THOC5: variants seen among roughly 807,000 people sequenced by gnomAD.
THOC5 encodes Fms-interacting protein.
THOC5 carries 43 observed loss-of-function variants against 92.9 expected under a neutral mutation model. The observed-to-expected ratio is 0.46, with a 90% CI of 0.36 to 0.60. The LOEUF is 0.60. THOC5 is among the 20% of genes least tolerant of loss of function. The probability of loss-of-function intolerance (pLI) is 0.00; values close to 1 mark genes in which losing one functional copy is unlikely to be tolerated. For missense variants in THOC5, 659 were observed against 849.4 expected (o/e 0.78, Z 2.79); for synonymous variants, 296 against 320.1 (o/e 0.92, Z 0.80).
intron 12 of THOC5, 79 bp downstream of exon 12, chr22:29,525,759 G>T: frequency 1.7e-6 from 2 of 1,166,736 alleles, no homozygotes; most frequent in Non-Finnish European, 1.3e-6. Flanking sequence ...CCAGAGGGAG[G>T]AACCGAGAGC....
intron 1 of THOC5, among the ~76,000 whole-genome samples, chr22:29,553,003 G>T (rs469285): frequency 0.86 from 130,651 of 152,046 alleles, 56,585 homozygotes; most frequent in African/African-American, 0.96. Flanking sequence ...TTAAGGGCGG[G>T]GCAAGATGTG....
chr22:29,527,157 C>T lies in THOC5; in HGVS notation c.1066+921G>A, dbSNP rs144219927. 2.3e-3 allele frequency among the ~76,000 whole-genome samples: 352 copies of T among 152,230 alleles called. 2 individuals are homozygous for T. The highest frequency in any genetic ancestry group is 6.8e-3 in the Middle Eastern group (2 of 294). ...TCTCAAAGCCAGCCATGGTGGTGCACGCTTCCAGTCCTAGCTACTTAGGAG... is the reference window on the plus strand; with the variant it reads ...TCTCAAAGCCAGCCATGGTGGTGCATGCTTCCAGTCCTAGCTACTTAGGAG... On this transcript the variant is annotated intron_variant, in intron 11 of 19. Transcript: ENST00000490103.
intron 2 of THOC5, 136 bp from the exon 3 acceptor site, chr22:29,544,739 G>A (rs1262588240): frequency 1.1e-6 from 1 of 872,898 alleles, no homozygotes; most frequent in African/African-American, 1.7e-5. Flanking sequence ...AAAAGATCTG[G>A]TCCTTAAATT....
At chr22:29,539,226 T>C (rs1423041510) in intron 6 of THOC5, 104 bp downstream of exon 6, 3 of 1,265,146 alleles carry the variant, frequency 2.4e-6, no homozygotes, top group Non-Finnish European at 3.3e-6. Flanking sequence ...GATTTGGTCT[T>C]AGAAACTATT....
In THOC5 at chr22:29,539,341, C is replaced by T. The variant is rs528819010; in HGVS notation, c.588G>A (p.Glu196=). The T allele has an allele frequency of 6.2e-6, 10 of 1,613,776 alleles. No homozygotes were observed. In the South Asian group the frequency reaches 8.8e-5, roughly 14 times the overall value. ...GGAGGAAATGCTACCTTTTCCGCTG[C>T]TCCAGCTCCCAGTCCAGACGTGCCA... The part of the protein sequence containing the change: ...QTLARLDWEL[E]QRKRLAEKYR... Residue 196 remains glutamate, a synonymous_variant, in exon 6 of 20, where the codon GAG becomes GAA. Transcript: ENST00000490103.
chr22:29,536,380 C>T (rs1338129785), intron 7 of THOC5: 7 of 475,160 alleles, frequency 1.5e-5, no homozygotes, highest in South Asian at 1.1e-4. Context: ...TGAGAAAGTA[C>T]GTTACCCAGA....
At position 29,520,030 on chromosome 22, in the gene THOC5, T is replaced by G; in HGVS notation, c.1352A>C (p.His451Pro). Residue 451 changes from histidine to proline, a missense_variant, in exon 14 of 20, where the codon CAC becomes CCC. Physicochemically the swap from His to Pro is moderately conservative, Grantham distance 77 (BLOSUM62 -2). Coordinates refer to ENST00000490103, the MANE Select transcript of THOC5 (RefSeq NM_003678.5). ...GACCTGGGGCTGCTCTTTGGGGAAG[T>G]GGAGGCCACCCAGCTTCTGCACCCA... ...YLWVQKLGGL[H>P]FPKEQPQQTV... 1 of 1,613,604 alleles carries G rather than the reference T, an allele frequency of 6.2e-7. No individual in the cohort carries two copies. The highest frequency in any genetic ancestry group is 8.5e-7 in the Non-Finnish European group (1 of 1,179,876).
intron 5 of THOC5, among the ~76,000 whole-genome samples, chr22:29,540,203 C>G (rs2146536910): frequency 6.6e-6 from 1 of 152,192 alleles, no homozygotes; most frequent in South Asian, 2.1e-4. Flanking sequence ...ACCCAGGAGG[C>G]AGAGGTTGCG....
At chr22:29,540,374 C>T (rs1252239861) in intron 5 of THOC5, among the ~76,000 whole-genome samples, 3 of 152,184 alleles carry the variant, frequency 2.0e-5, no homozygotes, top group Non-Finnish European at 4.4e-5. Flanking sequence ...AATAAGCACC[C>T]ACTATATGTC....
chr22:29,531,836 GCCTGC>G lies in THOC5; in HGVS notation c.837_841del (p.Gln280LeufsTer2). The G allele has an allele frequency of 6.2e-7, 1 of 1,614,022 alleles. No homozygotes were observed. Among genetic ancestry groups the G allele is most frequent in the Non-Finnish European group, 8.5e-7 (1 of 1,179,944 alleles). On this transcript the variant is annotated frameshift_variant, in exon 8 of 20. Transcript: ENST00000490103. LOFTEE classifies it high-confidence loss of function. Reference sequence around the variant, plus strand: ...CACCCAGGCCCCATACTCACCACAGGCCTGCCCATACGCAGTGGCCTGAACAAAGA... The same window carrying G: ...CACCCAGGCCCCATACTCACCACAGGCCATACGCAGTGGCCTGAACAAAGA...
At chr22:29,552,611 G>A (rs2064188163) in intron 1 of THOC5, among the ~76,000 whole-genome samples, 1 of 149,472 alleles carries the variant, frequency 6.7e-6, no homozygotes, top group Admixed American at 6.6e-5. Context: ...CGCCCCGTCG[G>A]GTCGGGGGTA....
chr22:29,549,243 G>T, intron 1 of THOC5, 85 bp from the exon 2 acceptor site: 1 of 1,209,508 alleles, frequency 8.3e-7, no homozygotes, highest in Admixed American at 1.9e-5. Flanking sequence ...TACAGACTTG[G>T]TAACTCAAGG....
At chr22:29,532,092 G>T in intron 7 of THOC5, 129 bp from the exon 8 acceptor site, 3 of 1,102,582 alleles carry the variant, frequency 2.7e-6, no homozygotes, top group South Asian at 1.8e-5. Flanking sequence ...ACTAATAGGT[G>T]GATAAAAGCT....
rs143753895 is a variant in THOC5, at chr22:29,547,157, A to G, written c.96+1895T>C. ...CTGCACATGGCCCTGTCACCTTTTGAATGGTTTGCTACTTAGAAATTTCCT... is the reference window on the plus strand; with the variant it reads ...CTGCACATGGCCCTGTCACCTTTTGGATGGTTTGCTACTTAGAAATTTCCT... On this transcript the variant is annotated intron_variant, in intron 2 of 19. Transcript: ENST00000490103. 7.4e-3 allele frequency among the ~76,000 whole-genome samples: 1,122 copies of G among 151,724 alleles called. 16 individuals are homozygous for G. The highest frequency in any genetic ancestry group is 0.026 in the African/African-American group (1,070 of 41,398).
chr22:29,543,390 G>A lies in THOC5; in HGVS notation c.354+39C>T, dbSNP rs201249438. 6.3e-5 allele frequency: 84 copies of A among 1,335,010 alleles called. No individual in the cohort carries two copies. In the East Asian group the frequency reaches 1.9e-3, roughly 31 times the overall value. The allele number at this position is 1,335,010 out of a possible 1,614,324, so 82.7% of individuals were successfully genotyped here. A position where few individuals can be genotyped will look rare whatever the true frequency, so the allele number is the denominator to read the frequency against. On this transcript the variant is annotated intron_variant, in intron 4 of 19. Transcript: ENST00000490103. ...AAAAAAAAGAAGGGGATGGGGAGGA[G>A]GAAGGAGGAAGGTTAAAATTAAACC...
intron 1 of THOC5, among the ~76,000 whole-genome samples, chr22:29,552,402 G>A (rs138036438): frequency 0.34 from 50,212 of 148,354 alleles, 8,603 homozygotes; most frequent in South Asian, 0.5. Flanking sequence ...CCGCCGCCCC[G>A]TCTGGGATGT....
In THOC5 at chr22:29,539,369, G is replaced by C. The variant is rs774989498; in HGVS notation, c.560C>G (p.Thr187Arg). ...EVTMGDPHQQ[T>R]LARLDWELEQ... ...CAGCTCCCAGTCCAGACGTGCCAGT[G>C]TTTGCTGGTGAGGGTCTCCCATGGT... Residue 187 changes from threonine (T) to arginine (R), a missense_variant, in exon 6 of 20, where the codon ACA becomes AGA. Coordinates refer to ENST00000490103, the MANE Select transcript of THOC5 (RefSeq NM_003678.5). 1.9e-6 allele frequency: 3 copies of C among 1,613,900 alleles called. No homozygotes were observed. In the African/African-American group the frequency reaches 4.0e-5, roughly 22 times the overall value.
chr22:29,519,039 G>A lies in THOC5; in HGVS notation c.1456C>T (p.Arg486Cys), dbSNP rs763840864. 8 of 1,609,226 alleles carry A rather than the reference G, an allele frequency of 5.0e-6. No homozygotes were observed. Among genetic ancestry groups the A allele is most frequent in the East Asian group, 4.5e-5 (2 of 44,676 alleles). Residue 486 changes from arginine (R) to cysteine (C), a missense_variant, in exon 15 of 20, where the codon CGC (arginine) becomes TGC (cysteine). Physicochemically the swap from Arg to Cys is radical, Grantham distance 180. Transcript: ENST00000490103. Reference sequence around the variant, plus strand: ...GCAAACTGTTTGTGGAGGGCCAGGCGGGACTGCACCCTGGTCTTCAGAAGT... The same window carrying A: ...GCAAACTGTTTGTGGAGGGCCAGGCAGGACTGCACCCTGGTCTTCAGAAGT... ...MKLLKTRVQSRLALHKQFASL... is the reference protein window; with the variant it reads ...MKLLKTRVQSCLALHKQFASL...
rs1485762985 is a variant in THOC5, at chr22:29,542,867, C to G, written c.444G>C (p.Leu148Phe). 1 of 1,612,504 alleles carries G rather than the reference C, an allele frequency of 6.2e-7. No homozygotes were observed. The highest frequency in any genetic ancestry group is 1.7e-5 in the Admixed American group (1 of 59,908). The change falls in exon 5 of 20, where the codon TTG becomes TTC. Residue 148 changes from leucine (L) to phenylalanine (F), a missense_variant. By Grantham distance (22) the Leu-to-Phe change is conservative. Coordinates refer to ENST00000490103, the MANE Select transcript of THOC5 (RefSeq NM_003678.5). Reference protein sequence around the residue: ...MHLQKEITKCLEFKSKHEEID... With the variant: ...MHLQKEITKCFEFKSKHEEID... ...TGTCCTCCCAAACTCACTTAAACTC[C>G]AAACATTTGGTGATCTCCTTCTGTA...
Sources: gnomAD v4.1 joint callset for allele counts (sites outside exome capture counted in the v4.1 genomes callset) on GRCh38, gnomAD v4.1.1 for gene constraint, MANE v1.5 for transcripts, NCBI Gene and HGNC (gene_info 2026-07-23, HGNC 2026-07-21) for gene names.